YBX1: variants seen among roughly 807,000 people sequenced by gnomAD.
The protein encoded by YBX1 is Y-box-binding protein 1.
In YBX1, 3 loss-of-function variants were observed where a neutral mutation model predicts 41.4. The ratio of observed to expected loss-of-function variants is 0.07; its 90% CI spans 0.03 to 0.19. The LOEUF (loss-of-function observed/expected upper bound fraction) is 0.19. YBX1 is among the 10% of genes least tolerant of loss of function. The pLI, the probability that YBX1 is intolerant of heterozygous loss-of-function variation, is 1.00. For missense variants in YBX1, 274 were observed against 462.8 expected, an observed-to-expected ratio of 0.59 and a Z score of 3.74; for synonymous variants, 133 against 165.8, an observed-to-expected ratio of 0.80 and a Z score of 1.52.
In YBX1 at chr1:42,696,743, G is replaced by T. The variant is rs752503251; in HGVS notation, c.456G>T (p.Arg152Ser). The change falls in exon 5 of 8, where the codon AGG (arginine) becomes AGT (serine). Residue 152 changes from arginine (R) to serine (S), a missense_variant. Coordinates refer to ENST00000321358, the MANE Select transcript of YBX1 (RefSeq NM_004559.5). This position sits in a 1 kb window ranked among gnomAD's most constrained non-coding sequence, Gnocchi z 5.7. ...ATTATAGACGCTATCCACGTCGTAG[G>T]GGTCCTCCACGCAATTACCAGCAAA... ...RNHYRRYPRR[R>S]GPPRNYQQNY... 6.8e-6 allele frequency: 11 copies of T among 1,613,718 alleles called. No homozygotes were observed. Among genetic ancestry groups the T allele is most frequent in the Non-Finnish European group, 8.5e-6 (10 of 1,179,850 alleles).
chr1:42,700,663 C>T (rs1650574832), intron 6 of YBX1, 118 bp from the exon 7 acceptor site: 3 of 762,082 alleles, frequency 3.9e-6, no homozygotes, highest in Non-Finnish European at 5.8e-6. Context: ...GCCTACAGAC[C>T]ACTTGATACA....
rs577464682 is a variant in YBX1, at chr1:42,683,686, G to A, written c.230+220G>A. 2.0e-5 allele frequency among the ~76,000 whole-genome samples: 3 copies of A among 152,310 alleles called. No homozygotes were observed. The South Asian group carries it at 6.2e-4, about 32-fold the overall frequency. On this transcript the variant is annotated intron_variant, in intron 2 of 7. Coordinates refer to ENST00000321358, the MANE Select transcript of YBX1 (RefSeq NM_004559.5). The stretch of plus-strand genomic sequence containing the variant: ...TTTTGCAGCTAAATATTAATTTGAA[G>A]CTAACTTAAAAGGCTTCGTCACAGT...
At chr1:42,684,635 A>ATTGC (rs1297058361) in intron 2 of YBX1, among the ~76,000 whole-genome samples, 1 of 152,198 alleles carries the variant, frequency 6.6e-6, no homozygotes, top group African/African-American at 2.4e-5. Context: ...AATTGTGGGA[A>ATTGC]AATATTTTGT....
chr1:42,698,421 T>A (rs1316635882), intron 6 of YBX1, among the ~76,000 whole-genome samples: 3 of 152,232 alleles, frequency 2.0e-5, no homozygotes, highest in African/African-American at 7.2e-5. Flanking sequence ...GTTAGCCAGA[T>A]GCTGGATGTT....
At position 42,682,747 on chromosome 1, in the gene YBX1, G is replaced by T; in HGVS notation, c.166+16G>T. On this transcript the variant is annotated intron_variant, in intron 1 of 7. Transcript: ENST00000321358. ...AAGGTCATCGGTGAGGACCGGACAG[G>T]GACGGGGGTGGGGCCCTCGGGCAGC... 8.2e-7 allele frequency: 1 copy of T among 1,212,442 alleles called. No homozygotes were observed. Among genetic ancestry groups the T allele is most frequent in the South Asian group, 3.9e-5 (1 of 25,548 alleles). The allele number at this position is 1,212,442 out of a possible 1,614,324, so 75.1% of individuals were successfully genotyped here. A position where few individuals can be genotyped will look rare whatever the true frequency, so the allele number is the denominator to read the frequency against.
chr1:42,688,312 A>G (rs969161357), intron 2 of YBX1, among the ~76,000 whole-genome samples: 55 of 152,212 alleles, frequency 3.6e-4, no homozygotes, highest in African/African-American at 1.3e-3. Context: ...CCACATAGCC[A>G]AGAAGTATCC....
At chr1:42,692,567 C>T (rs937902782) in intron 2 of YBX1, among the ~76,000 whole-genome samples, 5 of 152,134 alleles carry the variant, frequency 3.3e-5, no homozygotes, top group Non-Finnish European at 5.9e-5. Flanking sequence ...TATGTTGCCC[C>T]CAGTTCAGCA....
chr1:42,690,809 A>ACT (rs1650311204), intron 2 of YBX1, among the ~76,000 whole-genome samples: 1 of 152,134 alleles, frequency 6.6e-6, no homozygotes, highest in East Asian at 1.9e-4. Context: ...AATTATCTTT[A>ACT]CTACTGTATA....
chr1:42,700,135 A>G (rs1217559405), intron 6 of YBX1, among the ~76,000 whole-genome samples: 1 of 152,182 alleles, frequency 6.6e-6, no homozygotes, highest in African/African-American at 2.4e-5. Context: ...CATGAGTTCC[A>G]AAAGATGTGG....
Position 42,703,717 on chromosome 1 carries a change from T to C in YBX1, c.*1768T>C, listed in dbSNP as rs569308123. Among the ~76,000 whole-genome samples, 14 of 152,252 alleles carry C rather than the reference T, an allele frequency of 9.2e-5. No individual in the cohort carries two copies. Among genetic ancestry groups the C allele is most frequent in the Admixed American group, 7.2e-4 (11 of 15,294 alleles). Reference sequence around the variant, plus strand: ...CGGTTTCTACTGAATCAACATTGTTTTCATGGCATCACAGAGTTGAAAAAT... The same window carrying C: ...CGGTTTCTACTGAATCAACATTGTTCTCATGGCATCACAGAGTTGAAAAAT... On this transcript the variant is annotated 3_prime_UTR_variant, in exon 8 of 8. Coordinates refer to ENST00000321358, the MANE Select transcript of YBX1 (RefSeq NM_004559.5).
At chr1:42,692,400 T>A (rs1016683579) in intron 2 of YBX1, among the ~76,000 whole-genome samples, 1 of 152,184 alleles carries the variant, frequency 6.6e-6, no homozygotes, top group Admixed American at 6.5e-5. Context: ...GCTTGAAAGG[T>A]CAGTTTTCAG....
Position 42,696,396 on chromosome 1 carries a change from C to G in YBX1, c.354+108C>G. The G allele has an allele frequency of 8.5e-7, 1 of 1,172,970 alleles. No individual in the cohort carries two copies. The highest frequency in any genetic ancestry group is 1.2e-6 in the Non-Finnish European group (1 of 821,202). 72.7% of individuals were successfully genotyped at this position (1,172,970 alleles called of 1,614,324 possible). On this transcript the variant is annotated intron_variant, in intron 4 of 7. Coordinates refer to ENST00000321358, the MANE Select transcript of YBX1 (RefSeq NM_004559.5). The surrounding 1 kb of genome is among the most constrained non-coding windows in gnomAD (Gnocchi z 5.7). ...GTGGATGGATGTGTTCAGGTGACCT[C>G]ATGAACACAGGTGCATCAAGCCTAA... is the stretch of plus-strand genomic sequence containing the variant.
At chr1:42,683,075 C>T (rs1035137701) in intron 1 of YBX1, 6 of 503,590 alleles carry the variant, frequency 1.2e-5, no homozygotes, top group Admixed American at 7.6e-5. Context: ...ACCCAGCTCC[C>T]TTCCGCGTGT....
chr1:42,683,916 AT>A (rs1650126525), intron 2 of YBX1, among the ~76,000 whole-genome samples: 1 of 152,204 alleles, frequency 6.6e-6, no homozygotes. Flanking sequence ...AGGTTTTGTC[AT>A]CTTTACCGAG....
rs1570427752 is a variant in YBX1, at chr1:42,703,087, A to T, written c.*1138A>T. ...AGTACAGGTGCGTGCCACCACACCC[A>T]GCTAATTTTTGTATTTTTAATAGAG... On this transcript the variant is annotated 3_prime_UTR_variant, in exon 8 of 8. Transcript: ENST00000321358. Among the ~76,000 whole-genome samples, 1 of 152,092 alleles carries T rather than the reference A, an allele frequency of 6.6e-6. No homozygotes were observed. The highest frequency in any genetic ancestry group is 1.9e-4 in the East Asian group (1 of 5,166).
At position 42,682,625 on chromosome 1, in the gene YBX1, C is replaced by T; in HGVS notation, c.60C>T (p.Leu20=). ...CCGCCCCCCCCGCCGCCCCCGCCCT[C>T]AGCGCCGCCGACACCAAGCCCGGCA... ...PPAAPPAAPA[L]SAADTKPGTT... The change falls in exon 1 of 8, where the codon CTC becomes CTT. Residue 20 remains leucine, a synonymous_variant. Coordinates refer to ENST00000321358, the MANE Select transcript of YBX1 (RefSeq NM_004559.5). The T allele has an allele frequency of 1.4e-6, 2 of 1,420,012 alleles. No individual in the cohort carries two copies. Among genetic ancestry groups the T allele is most frequent in the South Asian group, 1.4e-5 (1 of 69,110 alleles). 88.0% of individuals were successfully genotyped at this position (1,420,012 alleles called of 1,614,324 possible).
chr1:42,682,459 C>A lies in YBX1; in HGVS notation c.-107C>A, dbSNP rs1446284118. ...TCGGTAGCGGGAGCGGAGAGCGGAC[C>A]CCAGAGAGCCCTGAGCAGCCCCACC... On this transcript the variant is annotated 5_prime_UTR_variant, in exon 1 of 8. Transcript: ENST00000321358. The A allele has an allele frequency of 7.3e-6, 9 of 1,238,984 alleles. No individual in the cohort carries two copies. The highest frequency in any genetic ancestry group is 1.6e-5 in the African/African-American group (1 of 62,936). The allele number at this position is 1,238,984 out of a possible 1,614,324, so 76.7% of individuals were successfully genotyped here. A position where few individuals can be genotyped will look rare whatever the true frequency, so the allele number is the denominator to read the frequency against.
chr1:42,683,063 C>G, intron 1 of YBX1: 1 of 467,158 alleles, frequency 2.1e-6, no homozygotes, highest in Non-Finnish European at 4.1e-6. Context: ...CGCGTCACCC[C>G]CACCCAGCTC....
chr1:42,696,364 C>G lies in YBX1; in HGVS notation c.354+76C>G. On this transcript the variant is annotated intron_variant, in intron 4 of 7. Coordinates refer to ENST00000321358, the MANE Select transcript of YBX1 (RefSeq NM_004559.5). This position sits in a 1 kb window ranked among gnomAD's most constrained non-coding sequence, Gnocchi z 5.7. ...GAGGTCTCATCCATTAGGATGGTGG[C>G]TCTAATGTGGATGGATGTGTTCAGG... 1 of 1,460,238 alleles carries G rather than the reference C, an allele frequency of 6.8e-7. No individual in the cohort carries two copies. Among genetic ancestry groups the G allele is most frequent in the Non-Finnish European group, 9.5e-7 (1 of 1,055,518 alleles). 90.5% of individuals were successfully genotyped at this position (1,460,238 alleles called of 1,614,324 possible). A position where few individuals can be genotyped will look rare whatever the true frequency, so the allele number is the denominator to read the frequency against.
Sources: allele counts gnomAD v4.1 joint callset (sites outside exome capture counted in the v4.1 genomes callset), GRCh38; gene constraint gnomAD v4.1.1; non-coding constraint Gnocchi (gnomAD v3.1); transcripts MANE v1.5; gene names NCBI Gene and HGNC (gene_info 2026-07-23, HGNC 2026-07-21).